PLEKHA5: variants seen among roughly 807,000 people sequenced by gnomAD.
PLEKHA5 encodes pleckstrin homology domain-containing family A member 5.
PLEKHA5 carries 55 observed loss-of-function variants against 181.9 expected under a neutral mutation model. The ratio of observed to expected loss-of-function variants is 0.30; its 90% confidence interval spans 0.24 to 0.38. The LOEUF is 0.38. Among genes scored for constraint, PLEKHA5 ranks in the 10% least tolerant of loss-of-function variants. PLEKHA5 has a pLI of 1.00. For synonymous variants in PLEKHA5, 535 were observed against 529.4 expected (o/e 1.01, Z -0.15); for missense variants, 1,432 against 1,549.5 (o/e 0.92, Z 1.27).
chr12:19,246,614 C>CAAA (rs71440397), intron 3 of PLEKHA5, among the ~76,000 whole-genome samples: 33 of 96,672 alleles, frequency 3.4e-4, no homozygotes, highest in South Asian at 6.5e-4. Context: ...AGAGCAAGAC[C>CAAA]AAAAAAAAAA....
intron 30 of PLEKHA5, among the ~76,000 whole-genome samples, chr12:19,367,290 CTT>C (rs2095453985): frequency 1.4e-5 from 1 of 69,236 alleles, no homozygotes; most frequent in African/African-American, 5.6e-5. Context: ...TTTTGAAGCT[CTT>C]TCACCCAGGC....
chr12:19,297,707 A>G (rs975204489), intron 15 of PLEKHA5, among the ~76,000 whole-genome samples: 16 of 150,776 alleles, frequency 1.1e-4, no homozygotes, highest in Admixed American at 2.0e-4. Context: ...AAGGTTTGCC[A>G]GAGTCAATAG....
intron 25 of PLEKHA5, among the ~76,000 whole-genome samples, chr12:19,349,352 G>A (rs2094481039): frequency 6.6e-6 from 1 of 152,088 alleles, no homozygotes; most frequent in Non-Finnish European, 1.5e-5. Flanking sequence ...TGGGGATCAA[G>A]CATTCCTTCC....
chr12:19,274,311 T>A (rs2073933050), intron 10 of PLEKHA5, among the ~76,000 whole-genome samples: 1 of 152,364 alleles, frequency 6.6e-6, no homozygotes, highest in African/African-American at 2.4e-5. Flanking sequence ...TGTTTTCTTT[T>A]TCCCCCTTTC....
chr12:19,172,403 A>G (rs1358131685), intron 3 of PLEKHA5, among the ~76,000 whole-genome samples: 1 of 152,084 alleles, frequency 6.6e-6, no homozygotes, highest in Non-Finnish European at 1.5e-5. Flanking sequence ...CAAAGAAATC[A>G]TATCCAAGTA....
chr12:19,322,743 C>A, intron 20 of PLEKHA5, 76 bp downstream of exon 20: 2 of 942,316 alleles, frequency 2.1e-6, no homozygotes, highest in South Asian at 1.6e-5. Flanking sequence ...TTTTTTAATA[C>A]TGGGCTCTCT....
chr12:19,310,132 AAAGT>A (rs1328454196), intron 15 of PLEKHA5, among the ~76,000 whole-genome samples: 6 of 152,194 alleles, frequency 3.9e-5, no homozygotes, highest in East Asian at 1.9e-4. Flanking sequence ...AGAAGGAATT[AAAGT>A]AAGAAGCAAA....
chr12:19,357,133 C>T (rs1304548610), intron 26 of PLEKHA5, among the ~76,000 whole-genome samples: 2 of 151,990 alleles, frequency 1.3e-5, no homozygotes, highest in African/African-American at 4.8e-5. Flanking sequence ...GACACTGTGC[C>T]CCTGCTTTTC....
At chr12:19,292,869 G>T (rs2152856411) in intron 15 of PLEKHA5, among the ~76,000 whole-genome samples, 1 of 152,198 alleles carries the variant, frequency 6.6e-6, no homozygotes, top group Middle Eastern at 3.4e-3. Context: ...AGCCCTGGAG[G>T]CAGAGGTTGC....
chr12:19,321,109 T>C (rs887210887), intron 18 of PLEKHA5, among the ~76,000 whole-genome samples: 3 of 150,782 alleles, frequency 2.0e-5, no homozygotes, highest in Non-Finnish European at 2.9e-5. Context: ...ACAGGTGCAG[T>C]GAGCCAAGAT....
At chr12:19,244,037 T>G (rs749862104) in intron 3 of PLEKHA5, among the ~76,000 whole-genome samples, 5 of 152,160 alleles carry the variant, frequency 3.3e-5, no homozygotes, top group Admixed American at 3.3e-4. Context: ...TGAAAAGTTA[T>G]CTATGTGAAA....
rs558772909 is a variant in PLEKHA5 at position 19,211,366 on chromosome 12, G to A, written c.228-42574G>A. 2.4e-4 allele frequency among the ~76,000 whole-genome samples: 36 copies of A among 152,162 alleles called. 1 individual carries two copies. Among genetic ancestry groups the A allele is most frequent in the African/African-American group, 2.9e-4 (12 of 41,510 alleles). ...TTTCCTTGATCTTGGTGGGGAGGGC[G>A]GTGGCGAATGCAGTCACAAGTGTCC... On this transcript the variant is annotated intron_variant, in intron 3 of 31. Transcript: ENST00000429027.
chr12:19,227,846 A>G (rs2059912243), intron 3 of PLEKHA5, among the ~76,000 whole-genome samples: 1 of 152,222 alleles, frequency 6.6e-6, no homozygotes, highest in Admixed American at 6.5e-5. Context: ...GCTGTTTTGC[A>G]AAAACCTTTA....
At chr12:19,149,929 T>G (rs1379648940) in intron 3 of PLEKHA5, 2 of 152,166 alleles carry the variant, frequency 1.3e-5, no homozygotes, top group Non-Finnish European at 1.5e-5. Context: ...AGTGGAGAAA[T>G]GGACTCCATC....
At chr12:19,192,197 T>G (rs959630142) in intron 3 of PLEKHA5, among the ~76,000 whole-genome samples, 3 of 152,184 alleles carry the variant, frequency 2.0e-5, no homozygotes, top group Non-Finnish European at 4.4e-5. Context: ...TTTTTCAATT[T>G]TATAAAAGCA....
Position 19,184,818 on chromosome 12 carries a change from A to G in PLEKHA5, c.227+52368A>G, listed in dbSNP as rs1359029518. ...TTTGAGAGTTACTTGAATAGAAGTG[A>G]TAAGATAGAAAAAGAGGAGAGGACA... On this transcript the variant is annotated intron_variant, in intron 3 of 31. Coordinates refer to ENST00000429027, the MANE Select transcript of PLEKHA5 (RefSeq NM_001256470.2). Among the ~76,000 whole-genome samples, 4 of 152,204 alleles carry G rather than the reference A, an allele frequency of 2.6e-5. No individual in the cohort carries two copies. The East Asian group carries it at 5.8e-4, about 22-fold the overall frequency.
intron 3 of PLEKHA5, among the ~76,000 whole-genome samples, chr12:19,230,923 G>A (rs1380387804): frequency 1.3e-5 from 2 of 152,218 alleles, no homozygotes; most frequent in East Asian, 3.9e-4. Flanking sequence ...ATCATGGTGA[G>A]TAAAGGACAA....
intron 3 of PLEKHA5, among the ~76,000 whole-genome samples, chr12:19,212,691 A>G (rs1472980986): frequency 6.6e-6 from 1 of 152,204 alleles, no homozygotes; most frequent in Non-Finnish European, 1.5e-5. Flanking sequence ...TTTAGCTTTA[A>G]TCTTAAATAT....
intron 3 of PLEKHA5, chr12:19,153,609 A>C (rs1004107664): frequency 7.9e-5 from 12 of 152,116 alleles, no homozygotes; most frequent in African/African-American, 2.9e-4. Flanking sequence ...TCACATCATT[A>C]TCACCCAAAG....
Sources: allele counts gnomAD v4.1 joint callset (sites outside exome capture counted in the v4.1 genomes callset), GRCh38; gene constraint gnomAD v4.1.1; transcripts MANE v1.5; gene names NCBI Gene and HGNC (gene_info 2026-07-23, HGNC 2026-07-21).